Variants in SRPK2 observed in about 807,000 individuals in gnomAD.
SRPK2 encodes the protein SRSF protein kinase 2.
In SRPK2, 21 loss-of-function variants were observed where a neutral mutation model predicts 90.8. That is an observed-to-expected ratio of 0.23 (90% CI 0.16 to 0.33). The LOEUF (loss-of-function observed/expected upper bound fraction) is 0.33. SRPK2 is among the 10% of genes least tolerant of loss of function. The probability of loss-of-function intolerance (pLI) is 1.00; values close to 1 mark genes in which losing one functional copy is unlikely to be tolerated. For synonymous variants in SRPK2, 288 were observed against 311.1 expected, an observed-to-expected ratio of 0.93 and a Z score of 0.78; for missense variants, 620 against 869.0, an observed-to-expected ratio of 0.71 and a Z score of 3.60.
At chr7:105,369,122 TA>T (rs1819413920) in intron 2 of SRPK2, among the ~76,000 whole-genome samples, 2 of 120,792 alleles carry the variant, frequency 1.7e-5, no homozygotes, top group Admixed American at 2.0e-4. Flanking sequence ...ACACAAGATT[TA>T]TTTTATTATT....
At chr7:105,270,651 C>T (rs1483253239) in intron 2 of SRPK2, among the ~76,000 whole-genome samples, 1 of 152,144 alleles carries the variant, frequency 6.6e-6, no homozygotes, top group South Asian at 2.1e-4. Flanking sequence ...TCAGATGATG[C>T]GCCCACCTCA....
rs934942010 is a variant in SRPK2 at position 105,306,141 on chromosome 7, AT to A, written c.71+82506del. On this transcript the variant is annotated intron_variant, in intron 2 of 15. Transcript: ENST00000393651. ...ATGAGGTACCAAAAGAAGTAAGAGG[AT>A]TTTTTTTTAAGGCATCTGATGTAGT... is the stretch of plus-strand genomic sequence containing the variant. 457 of 165,596 alleles carry A rather than the reference AT, an allele frequency of 2.8e-3. 3 individuals are homozygous for A. The highest frequency in any genetic ancestry group is 9.9e-3 in the African/African-American group (409 of 41,484). The allele number at this position is 165,596 out of a possible 1,614,324, so 10.3% of individuals were successfully genotyped here.
intron 2 of SRPK2, among the ~76,000 whole-genome samples, chr7:105,335,207 AATT>A (rs1245311187): frequency 2.0e-5 from 3 of 152,172 alleles, no homozygotes; most frequent in Non-Finnish European, 4.4e-5. Flanking sequence ...ATTATCAAAT[AATT>A]ATTAAACTTC....
At chr7:105,254,482 A>ACATC (rs1802944687) in intron 2 of SRPK2, among the ~76,000 whole-genome samples, 1 of 152,232 alleles carries the variant, frequency 6.6e-6, no homozygotes, top group African/African-American at 2.4e-5. Context: ...AAAATTATGT[A>ACATC]CATCCATCCA....
At chr7:105,392,405 T>G (rs1822203218), upstream of SRPK2, among the ~76,000 whole-genome samples, 1 of 152,220 alleles carries the variant, frequency 6.6e-6, no homozygotes, top group Admixed American at 6.6e-5. Context: ...GGTGATACTT[T>G]GAAACTGTGT....
chr7:105,316,840 AG>A (rs1239594037), intron 2 of SRPK2, among the ~76,000 whole-genome samples: 2 of 152,210 alleles, frequency 1.3e-5, no homozygotes, highest in Non-Finnish European at 2.9e-5. Flanking sequence ...CTATGACCTT[AG>A]GCAAGCTATT....
chr7:105,338,488 TC>T (rs1815379076), intron 2 of SRPK2, among the ~76,000 whole-genome samples: 1 of 152,126 alleles, frequency 6.6e-6, no homozygotes, highest in South Asian at 2.1e-4. Context: ...CTCAGGTGGA[TC>T]CACCTCAGGT....
intron 2 of SRPK2, among the ~76,000 whole-genome samples, chr7:105,385,850 GAC>G (rs1821517309): frequency 6.6e-6 from 1 of 152,168 alleles, no homozygotes; most frequent in Admixed American, 6.5e-5. Context: ...TAAAACAATC[GAC>G]AGAGTGACTG....
At chr7:105,171,150 C>A (rs1791087045) in intron 3 of SRPK2, among the ~76,000 whole-genome samples, 1 of 151,964 alleles carries the variant, frequency 6.6e-6, no homozygotes, top group Non-Finnish European at 1.5e-5. Flanking sequence ...AAGGTAGATT[C>A]TTGAGGGCAA....
intron 2 of SRPK2, among the ~76,000 whole-genome samples, chr7:105,361,509 A>G (rs1818420719): frequency 6.6e-6 from 1 of 152,214 alleles, no homozygotes; most frequent in African/African-American, 2.4e-5. Flanking sequence ...AAGAGCACGC[A>G]CTGCCAAGAC....
intron 11 of SRPK2, among the ~76,000 whole-genome samples, chr7:105,140,125 GA>G (rs1478969239): frequency 2.0e-5 from 3 of 152,112 alleles, no homozygotes; most frequent in South Asian, 2.1e-4. Context: ...GACAAGGGGG[GA>G]AAAATCTGTA....
intron 2 of SRPK2, among the ~76,000 whole-genome samples, chr7:105,386,461 C>A (rs1821616356): frequency 6.6e-6 from 1 of 152,148 alleles, no homozygotes; most frequent in Non-Finnish European, 1.5e-5. Flanking sequence ...CACCTGTAAT[C>A]CCAGCTGTGT....
At chr7:105,366,105 G>C (rs916570453) in intron 2 of SRPK2, among the ~76,000 whole-genome samples, 2 of 151,532 alleles carry the variant, frequency 1.3e-5, no homozygotes, top group African/African-American at 4.9e-5. Flanking sequence ...CGCCCACCTC[G>C]GCCTCCCAAA....
intron 7 of SRPK2, among the ~76,000 whole-genome samples, chr7:105,148,448 C>G (rs1804996295): frequency 6.6e-6 from 1 of 152,172 alleles, no homozygotes. Context: ...ATAATTATTT[C>G]CACTGGAGAA....
chr7:105,192,233 C>G (rs993410663), intron 3 of SRPK2, among the ~76,000 whole-genome samples: 2 of 152,088 alleles, frequency 1.3e-5, no homozygotes, highest in African/African-American at 4.8e-5. Flanking sequence ...CCTGAGTCCC[C>G]AAAGTCTACA....
At chr7:105,198,452 G>A (rs773911588) in intron 3 of SRPK2, among the ~76,000 whole-genome samples, 5 of 152,306 alleles carry the variant, frequency 3.3e-5, no homozygotes, top group Non-Finnish European at 7.4e-5. Flanking sequence ...GGGCTTGGAA[G>A]CAGAATCTGA....
chr7:105,176,619 G>A (rs538776390), intron 3 of SRPK2, among the ~76,000 whole-genome samples: 108 of 9,524 alleles, frequency 0.011, no homozygotes, highest in African/African-American at 0.029. Context: ...GTATACGTGT[G>A]TGTATATATA....
At chr7:105,154,657 A>AC (rs755446738) in intron 7 of SRPK2, among the ~76,000 whole-genome samples, 12 of 151,998 alleles carry the variant, frequency 7.9e-5, no homozygotes, top group Non-Finnish European at 1.6e-4. Flanking sequence ...TATAATATCT[A>AC]CTTCATAAAA....
chr7:105,254,691 ATTG>A (rs529644358), intron 2 of SRPK2, among the ~76,000 whole-genome samples: 119 of 150,560 alleles, frequency 7.9e-4, no homozygotes, highest in African/African-American at 2.6e-3. Flanking sequence ...TGTTGTTGTT[ATTG>A]TTGTTGTTGT....
Sources: allele counts gnomAD v4.1 joint callset (sites outside exome capture counted in the v4.1 genomes callset), GRCh38; gene constraint gnomAD v4.1.1; transcripts MANE v1.5; gene names NCBI Gene and HGNC (gene_info 2026-07-23, HGNC 2026-07-21).